The following RUVBL1 variants were observed in gnomAD, a reference collection of about 807,000 sequenced individuals.
The protein encoded by RUVBL1 is RuvB like AAA ATPase 1.
RUVBL1 carries 4 observed loss-of-function variants against 52.4 expected under a neutral mutation model. The ratio of observed to expected loss-of-function variants is 0.08; its 90% CI spans 0.04 to 0.17. The LOEUF (loss-of-function observed/expected upper bound fraction) is 0.17, where lower values mean the gene tolerates loss of function less well. Among genes scored for constraint, RUVBL1 ranks in the 10% least tolerant of loss-of-function variants. The pLI, the probability that RUVBL1 is intolerant of heterozygous loss-of-function variation, is 1.00. For missense variants in RUVBL1, 298 were observed against 572.8 expected, an observed-to-expected ratio of 0.52 and a Z score of 4.90; for synonymous variants, 217 against 214.4, an observed-to-expected ratio of 1.01 and a Z score of -0.10.
Position 128,121,839 on chromosome 3 carries a change from G to A in RUVBL1, c.141+1745C>T, listed in dbSNP as rs539280064. On this transcript the variant is annotated intron_variant, in intron 1 of 10. Coordinates refer to ENST00000322623, the MANE Select transcript of RUVBL1 (RefSeq NM_003707.3). Reference sequence around the variant, plus strand: ...GACTTTACAAACCTTGGAGATGTGCGTTTATTTACAGACCAGGACCTCTTC... The same window carrying A: ...GACTTTACAAACCTTGGAGATGTGCATTTATTTACAGACCAGGACCTCTTC... Among the ~76,000 whole-genome samples, 96 of 152,126 alleles carry A rather than the reference G, an allele frequency of 6.3e-4. 1 individual carries two copies. The highest frequency in any genetic ancestry group is 2.0e-3 in the African/African-American group (81 of 41,498).
intron 9 of RUVBL1, chr3:128,065,366 T>C (rs1008369701): frequency 8.7e-6 from 5 of 577,166 alleles, no homozygotes; most frequent in Non-Finnish European, 1.2e-5. Flanking sequence ...ACCTCATTGC[T>C]CTCTTATAGA....
chr3:128,073,013 G>A (rs977995360), intron 9 of RUVBL1, among the ~76,000 whole-genome samples: 3 of 152,176 alleles, frequency 2.0e-5, no homozygotes, highest in Non-Finnish European at 4.4e-5. Flanking sequence ...AGGCCCAGGA[G>A]GAAACAAGTC....
rs1944284243 is a variant in RUVBL1, at chr3:128,153,344, C to T, written c.-181G>A. 14 of 1,380,460 alleles carry T rather than the reference C, an allele frequency of 1.0e-5. No individual in the cohort carries two copies. In the South Asian group the frequency reaches 1.8e-4, roughly 18 times the overall value. The allele number at this position is 1,380,460 out of a possible 1,614,324, so 85.5% of individuals were successfully genotyped here. On this transcript the variant is annotated 5_prime_UTR_variant, in exon 1 of 10. Coordinates refer to the RUVBL1 transcript ENST00000464873. ...CCTAGACCACCCACTCGGAGCACGG[C>T]GCTCGGCTGTGCCCGTGAGCCTCAG... is the stretch of plus-strand genomic sequence containing the variant.
chr3:128,153,719 TC>T (rs750088548), exon 1 of RUVBL1: 1 of 1,578,010 alleles, frequency 6.3e-7, no homozygotes, highest in Non-Finnish European at 8.5e-7. Flanking sequence ...TTGCCCGAGT[TC>T]CAGGCAGCGC....
intron 2 of RUVBL1, among the ~76,000 whole-genome samples, chr3:128,115,429 A>G (rs1943500339): frequency 6.6e-6 from 1 of 152,254 alleles, no homozygotes; most frequent in South Asian, 2.1e-4. Context: ...GTGGAAATGC[A>G]TATGAACCAT....
chr3:128,123,668 G>A lies in RUVBL1; in HGVS notation c.57C>T (p.Ser19=), dbSNP rs1559830191. Residue 19 remains serine (S), a synonymous_variant, in exon 1 of 11, where the codon AGC becomes AGT. Transcript: ENST00000322623. ...CGTCCAGCCCCAGCCCTTTCACGTG[G>A]CTGTGGGAGGCGATGCGCTGCGTCT... ...TTKTQRIASH[S]HVKGLGLDES... is the part of the protein sequence containing the mutation. 2 of 1,612,090 alleles carry A rather than the reference G, an allele frequency of 1.2e-6. No homozygotes were observed. The highest frequency in any genetic ancestry group is 2.2e-5 in the East Asian group (1 of 44,856).
At chr3:128,078,536 C>T (rs1942391787), downstream of RUVBL1, among the ~76,000 whole-genome samples, 1 of 152,214 alleles carries the variant, frequency 6.6e-6, no homozygotes, top group Non-Finnish European at 1.5e-5. Context: ...AATCAGCTCC[C>T]TGGGTGGCAC....
rs1942523697 is a variant in RUVBL1, at chr3:128,082,930, CCCGGGG to C, written c.1120-362_1120-357del. The C allele has an allele frequency of 5.3e-6, 1 of 188,950 alleles. No individual in the cohort carries two copies. The highest frequency in any genetic ancestry group is 2.4e-5 in the African/African-American group (1 of 42,220). The allele number at this position is 188,950 out of a possible 1,614,324, so 11.7% of individuals were successfully genotyped here. A position where few individuals can be genotyped will look rare whatever the true frequency, so the allele number is the denominator to read the frequency against. Reference sequence around the variant, plus strand: ...GAGAACTGGGGCCTCTTCTAACCTACCCGGGGCTCCTGCAAGGGCTCTAACCTTCCT... The same window carrying C: ...GAGAACTGGGGCCTCTTCTAACCTACCTCCTGCAAGGGCTCTAACCTTCCT... On this transcript the variant is annotated intron_variant, in intron 9 of 10. Transcript: ENST00000322623. This position sits in a 1 kb window ranked among gnomAD's most constrained non-coding sequence, Gnocchi z 4.7.
exon 1 of RUVBL1, chr3:128,153,622 C>CAGCCGCAG: frequency 6.3e-7 from 1 of 1,597,300 alleles, no homozygotes; most frequent in South Asian, 1.1e-5. Flanking sequence ...CTTTGACAAG[C>CAGCCGCAG]AGCCGCAGAG....
chr3:128,075,915 C>G (rs1942305633), downstream of RUVBL1: 1 of 152,492 alleles, frequency 6.6e-6, no homozygotes, highest in Non-Finnish European at 1.5e-5. Context: ...GTCCACCCAG[C>G]CGGGGCCCCC....
intron 1 of RUVBL1, among the ~76,000 whole-genome samples, chr3:128,134,291 C>T (rs909259778): frequency 7.9e-5 from 12 of 151,350 alleles, no homozygotes; most frequent in Admixed American, 6.6e-5. Context: ...AGTGAAACCC[C>T]TTCTCTACTA....
At chr3:128,153,313 C>T (rs1344571414) in exon 1 of RUVBL1, 1 of 1,367,230 alleles carries the variant, frequency 7.3e-7, no homozygotes, top group African/African-American at 1.5e-5. Flanking sequence ...ACGGTGACCT[C>T]CAGTTCCTAG....
chr3:128,135,607 T>C (rs550113051), intron 1 of RUVBL1, among the ~76,000 whole-genome samples: 4 of 152,302 alleles, frequency 2.6e-5, no homozygotes, highest in East Asian at 1.9e-4. Flanking sequence ...AGCAAAAATA[T>C]ACTTCAAACA....
At chr3:128,093,449 C>CA (rs11452118) in intron 8 of RUVBL1, among the ~76,000 whole-genome samples, 17,268 of 145,892 alleles carry the variant, frequency 0.12, 2,517 homozygotes, top group East Asian at 0.35. Context: ...CTAGAAATCA[C>CA]AAAAAAAAAC....
In RUVBL1 at chr3:128,104,894, T is replaced by A. The variant is rs1943187993; in HGVS notation, c.392A>T (p.Tyr131Phe). Reference sequence around the variant, plus strand: ...AGTTAGCTCTGTGACTTCACCTTCATAAACTTCCTTGGTCTCCTTTATTCG... The same window carrying A: ...AGTTAGCTCTGTGACTTCACCTTCAAAAACTTCCTTGGTCTCCTTTATTCG... ...GLRIKETKEV[Y>F]EGEVTELTPC... Residue 131 changes from tyrosine to phenylalanine, a missense_variant, in exon 4 of 11, where the codon TAT (tyrosine) becomes TTT (phenylalanine). Transcript: ENST00000322623. 1 of 1,611,684 alleles carries A rather than the reference T, an allele frequency of 6.2e-7. No homozygotes were observed. Among genetic ancestry groups the A allele is most frequent in the Non-Finnish European group, 8.5e-7 (1 of 1,178,100 alleles).
intron 8 of RUVBL1, among the ~76,000 whole-genome samples, chr3:128,091,007 T>C (rs564389316): frequency 1.2e-4 from 19 of 152,360 alleles, no homozygotes; most frequent in Admixed American, 7.2e-4. Context: ...ATTAATAACA[T>C]TTCTTATAGT....
exon 1 of RUVBL1, chr3:128,153,533 A>C: frequency 3.9e-6 from 6 of 1,519,662 alleles, no homozygotes; most frequent in Non-Finnish European, 5.3e-6. Context: ...GTGAACGTGA[A>C]CGTGGGCGTG....
At chr3:128,119,796 G>A (rs979614352) in intron 1 of RUVBL1, among the ~76,000 whole-genome samples, 7 of 152,140 alleles carry the variant, frequency 4.6e-5, no homozygotes, top group African/African-American at 9.7e-5. Flanking sequence ...AGAAAACAGC[G>A]AATTCAGAAA....
downstream of RUVBL1, among the ~76,000 whole-genome samples, chr3:128,079,704 G>C (rs1942419732): frequency 6.6e-6 from 1 of 152,224 alleles, no homozygotes; most frequent in Non-Finnish European, 1.5e-5. Context: ...GATTCACTCT[G>C]GCAGCAGGGA....
Sources: gnomAD v4.1 joint callset for allele counts (sites outside exome capture counted in the v4.1 genomes callset) on GRCh38, gnomAD v4.1.1 for gene constraint, Gnocchi (gnomAD v3.1) non-coding constraint, MANE v1.5 for transcripts, NCBI Gene and HGNC (gene_info 2026-07-23, HGNC 2026-07-21) for gene names.